Variants in PPM1H observed in about 807,000 individuals in gnomAD.
PPM1H encodes protein phosphatase 1H.
PPM1H carries 27 observed loss-of-function variants against 54.9 expected under a neutral mutation model. That is an observed-to-expected ratio of 0.49 (90% CI 0.36 to 0.68). The LOEUF (loss-of-function observed/expected upper bound fraction) is 0.68, where lower values mean the gene tolerates loss of function less well. Ranked by LOEUF, PPM1H falls within the 30% of genes least tolerant of loss-of-function variation. PPM1H has a pLI of 0.00. For synonymous variants in PPM1H, 305 were observed against 270.8 expected, an observed-to-expected ratio of 1.13 and a Z score of -1.24; for missense variants, 596 against 667.8, an observed-to-expected ratio of 0.89 and a Z score of 1.19.
intron 1 of PPM1H, among the ~76,000 whole-genome samples, chr12:62,860,717 G>A (rs1869568238): frequency 1.3e-5 from 2 of 152,244 alleles, no homozygotes; most frequent in South Asian, 2.1e-4. Flanking sequence ...CCTTCCAAGC[G>A]TAAAGATTAA....
At chr12:62,768,481 C>T (rs1188637319) in intron 4 of PPM1H, among the ~76,000 whole-genome samples, 1 of 152,098 alleles carries the variant, frequency 6.6e-6, no homozygotes, top group East Asian at 1.9e-4. Flanking sequence ...TAGTGAAACC[C>T]TGTCTCTACT....
chr12:62,760,021 C>G (rs918691579), intron 4 of PPM1H, among the ~76,000 whole-genome samples: 1 of 152,170 alleles, frequency 6.6e-6, no homozygotes, highest in African/African-American at 2.4e-5. Flanking sequence ...CTTCCTTCTT[C>G]TCCCTTAGCC....
At chr12:62,806,918 T>C (rs1341931065) in intron 2 of PPM1H, among the ~76,000 whole-genome samples, 1 of 152,180 alleles carries the variant, frequency 6.6e-6, no homozygotes, top group East Asian at 1.9e-4. Context: ...GAGAAATTCT[T>C]AGTACTACAA....
chr12:62,747,334 C>G (rs552493390), intron 4 of PPM1H, among the ~76,000 whole-genome samples: 1 of 152,174 alleles, frequency 6.6e-6, no homozygotes, highest in East Asian at 1.9e-4. Flanking sequence ...TGGGATTTCT[C>G]CATGTTGGTC....
chr12:62,749,170 T>C (rs116904210), intron 4 of PPM1H, among the ~76,000 whole-genome samples: 3,359 of 152,324 alleles, frequency 0.022, 54 homozygotes, highest in Non-Finnish European at 0.037. Flanking sequence ...ATTTCACTGT[T>C]GTCATCAGTC....
chr12:62,779,819 C>T (rs1428765857), intron 4 of PPM1H, among the ~76,000 whole-genome samples: 2 of 152,228 alleles, frequency 1.3e-5, no homozygotes, highest in African/African-American at 2.4e-5. Flanking sequence ...CCATAACTGA[C>T]AAATATTTGA....
chr12:62,702,577 A>AGAGAGAGAGAGG (rs2076150193), intron 6 of PPM1H, among the ~76,000 whole-genome samples: 2 of 152,214 alleles, frequency 1.3e-5, no homozygotes, highest in African/African-American at 4.8e-5. Flanking sequence ...AGAGAGAGAG[A>AGAGAGAGAGAGG]GAGAAATACC....
intron 1 of PPM1H, among the ~76,000 whole-genome samples, chr12:62,867,573 T>TTTTTTTTTTTTA (rs1565814157): frequency 1.9e-5 from 2 of 103,912 alleles, no homozygotes; most frequent in Non-Finnish European, 3.7e-5. Context: ...TATTTTTTTT[T>TTTTTTTTTTTTA]TTTTTTTTTT....
rs1361174394 is a variant in PPM1H, at chr12:62,909,091, C to T, written c.245+25401G>A. Among the ~76,000 whole-genome samples, 8 of 152,188 alleles carry T rather than the reference C, an allele frequency of 5.3e-5. No homozygotes were observed. In the South Asian group the frequency reaches 1.2e-3, roughly 24 times the overall value. On this transcript the variant is annotated intron_variant, in intron 1 of 9. Transcript: ENST00000228705. ...CACCCAGTTTCTCAGGCTGAAAATCCGGAATTATCTTTGACTCCTCTTTTT... is the reference window on the plus strand; with the variant it reads ...CACCCAGTTTCTCAGGCTGAAAATCTGGAATTATCTTTGACTCCTCTTTTT...
intron 1 of PPM1H, among the ~76,000 whole-genome samples, chr12:62,886,452 A>AT (rs572038088): frequency 3.3e-4 from 49 of 150,242 alleles, no homozygotes; most frequent in East Asian, 1.6e-3. Context: ...AAAGTGCTGT[A>AT]TTTTTTTTTT....
At chr12:62,751,970 C>G (rs1464584471) in intron 4 of PPM1H, among the ~76,000 whole-genome samples, 1 of 152,102 alleles carries the variant, frequency 6.6e-6, no homozygotes, top group Non-Finnish European at 1.5e-5. Flanking sequence ...GTAACAGTTA[C>G]CCGGTGTCAG....
At chr12:62,762,137 C>T (rs899188907) in intron 4 of PPM1H, among the ~76,000 whole-genome samples, 2 of 152,240 alleles carry the variant, frequency 1.3e-5, no homozygotes, top group Non-Finnish European at 2.9e-5. Context: ...CCCCTAACTA[C>T]GTATGGCCCA....
intron 6 of PPM1H, among the ~76,000 whole-genome samples, chr12:62,696,261 C>CT (rs2076114584): frequency 6.6e-6 from 1 of 152,190 alleles, no homozygotes; most frequent in South Asian, 2.1e-4. Flanking sequence ...AAGACACACA[C>CT]TTAGAGTTGT....
chr12:62,668,793 C>T (rs2075936324), intron 8 of PPM1H, among the ~76,000 whole-genome samples: 1 of 152,222 alleles, frequency 6.6e-6, no homozygotes, highest in Non-Finnish European at 1.5e-5. Flanking sequence ...ATCACCTCAG[C>T]CTAGAGACTA....
At chr12:62,745,222 T>A (rs991151623) in intron 4 of PPM1H, among the ~76,000 whole-genome samples, 7 of 152,164 alleles carry the variant, frequency 4.6e-5, no homozygotes, top group African/African-American at 1.7e-4. Context: ...TTTAATTTTT[T>A]AAATTATTAT....
At position 62,670,040 on chromosome 12, in the gene PPM1H, T is replaced by C. The variant is rs188014053; in HGVS notation, c.1246-2711A>G. Among the ~76,000 whole-genome samples, 664 of 129,758 alleles carry C rather than the reference T, an allele frequency of 5.1e-3. 7 individuals carry two copies. Among genetic ancestry groups the C allele is most frequent in the African/African-American group, 5.5e-3 (188 of 34,028 alleles). The allele number at this position is 129,758 out of a possible 152,430, so 85.1% of individuals were successfully genotyped here. On this transcript the variant is annotated intron_variant, in intron 8 of 9. Coordinates refer to ENST00000228705, the MANE Select transcript of PPM1H (RefSeq NM_020700.2). The stretch of plus-strand genomic sequence containing the variant: ...TTGCCCAGGCTGGAGTGCAATGGCA[T>C]GATCTCAGCTCACTGCAACCTCTGC...
intron 1 of PPM1H, among the ~76,000 whole-genome samples, chr12:62,871,060 T>G (rs1439953986): frequency 1.3e-5 from 2 of 152,224 alleles, no homozygotes; most frequent in Admixed American, 1.3e-4. Context: ...CTCCTAGGTA[T>G]GTACCCAAGA....
At position 62,675,559 on chromosome 12, in the gene PPM1H, C is replaced by T. The variant is rs1370791343; in HGVS notation, c.1246-8230G>A. On this transcript the variant is annotated intron_variant, in intron 8 of 9. Coordinates refer to ENST00000228705, the MANE Select transcript of PPM1H (RefSeq NM_020700.2). ...GGTGCAGAACAGATGAACCAAGTTGCCTCAAGTCCACCCAGAAGGCAGGTG... is the reference window on the plus strand; with the variant it reads ...GGTGCAGAACAGATGAACCAAGTTGTCTCAAGTCCACCCAGAAGGCAGGTG... Among the ~76,000 whole-genome samples the T allele has an allele frequency of 3.9e-5, 6 of 152,308 alleles. No individual in the cohort carries two copies. The East Asian group carries it at 9.6e-4, about 24-fold the overall frequency.
chr12:62,902,525 T>C (rs1304574683), intron 1 of PPM1H, among the ~76,000 whole-genome samples: 1 of 152,184 alleles, frequency 6.6e-6, no homozygotes, highest in Non-Finnish European at 1.5e-5. Flanking sequence ...GGACTCAGCC[T>C]TCTTCAGCAC....
Sources: gnomAD v4.1 joint callset for allele counts (sites outside exome capture counted in the v4.1 genomes callset) on GRCh38, gnomAD v4.1.1 for gene constraint, MANE v1.5 for transcripts, NCBI Gene and HGNC (gene_info 2026-07-23, HGNC 2026-07-21) for gene names.